SEMA4C: variants seen among roughly 807,000 people sequenced by gnomAD.
SEMA4C encodes the protein semaphorin 4C, also known as semaphorin-4C.
In SEMA4C, 19 loss-of-function variants were observed where a neutral mutation model predicts 89.0. The ratio of observed to expected loss-of-function variants is 0.21; its 90% CI spans 0.15 to 0.31. The LOEUF is 0.31. SEMA4C is among the 10% of genes least tolerant of loss of function. SEMA4C has a pLI of 1.00. For missense variants in SEMA4C, 811 were observed against 1,107.0 expected (o/e 0.73, Z 3.79); for synonymous variants, 428 against 472.7 (o/e 0.91, Z 1.23).
intron 1 of SEMA4C, 60 bp from the exon 2 acceptor site, chr2:96,867,983 C>T (rs975125479): frequency 1.9e-6 from 3 of 1,586,138 alleles, no homozygotes; most frequent in Non-Finnish European, 2.6e-6. Context: ...CAGAGGGGCC[C>T]GCAGCAGGAG....
chr2:96,861,909 G>T lies in SEMA4C; in HGVS notation c.1444-15C>A. 1 of 1,596,080 alleles carries T rather than the reference G, an allele frequency of 6.3e-7. No homozygotes were observed. Among genetic ancestry groups the T allele is most frequent in the East Asian group, 2.3e-5 (1 of 44,058 alleles). ...AAGAGCAGCTTCTGCGAGAAAAGCG[G>T]GGCGCAGGAGGGGGGTCGGCCAGGG... On this transcript the variant is annotated splice_polypyrimidine_tract_variant and intron_variant, in intron 12 of 14. Coordinates refer to ENST00000305476, the MANE Select transcript of SEMA4C (RefSeq NM_017789.5). The surrounding 1 kb of genome is among the most constrained non-coding windows in gnomAD (Gnocchi z 7.8).
At chr2:96,867,017 G>C (rs939539640) in intron 2 of SEMA4C, 8 of 218,854 alleles carry the variant, frequency 3.7e-5, no homozygotes, top group Non-Finnish European at 9.3e-6. Flanking sequence ...GAGGCTCAGA[G>C]AGCGGAGATG....
In SEMA4C at chr2:96,865,226, C is replaced by A. The variant is rs761984955; in HGVS notation, c.612G>T (p.Glu204Asp). ...CACCGTTGAGCCAAAAGGCCAGGTACTCTGTCTTCATGGAGTGGTGGGGCC... is the reference window on the plus strand; with the variant it reads ...CACCGTTGAGCCAAAAGGCCAGGTAATCTGTCTTCATGGAGTGGTGGGGCC... ...NMGPHHSMKTEYLAFWLNEPH... is the reference protein window; with the variant it reads ...NMGPHHSMKTDYLAFWLNEPH... The change falls in exon 7 of 15, where the codon GAG (glutamate) becomes GAT (aspartate). Residue 204 changes from glutamate (E) to aspartate (D), a missense_variant. This residue lies in a region of SEMA4C where 441 missense variants were observed against 664.9 expected (regional missense o/e 0.66). Transcript: ENST00000305476. The A allele has an allele frequency of 6.2e-7, 1 of 1,613,974 alleles. No individual in the cohort carries two copies. The highest frequency in any genetic ancestry group is 1.7e-5 in the Admixed American group (1 of 60,006).
chr2:96,861,094 C>T lies in SEMA4C; in HGVS notation c.2034G>A (p.Val678=). 1.2e-6 allele frequency: 2 copies of T among 1,612,498 alleles called. No individual in the cohort carries two copies. The highest frequency in any genetic ancestry group is 8.5e-7 in the Non-Finnish European group (1 of 1,179,898). The change falls in exon 15 of 15, where the codon GTG becomes GTA. Residue 678 remains valine, a synonymous_variant. Transcript: ENST00000305476. This position sits in a 1 kb window ranked among gnomAD's most constrained non-coding sequence, Gnocchi z 7.8. ...AVVALGAVCL[V]LLLLVLSLRR... Reference sequence around the variant, plus strand: ...GCAATGACAGCACCAGCAGCAGCAGCACCAGGCACACAGCCCCCAGGGCCA... The same window carrying T: ...GCAATGACAGCACCAGCAGCAGCAGTACCAGGCACACAGCCCCCAGGGCCA...
At position 96,860,560 on chromosome 2, in the gene SEMA4C, C is replaced by T. The variant is rs920478237; in HGVS notation, c.*66G>A. 23 of 1,416,962 alleles carry T rather than the reference C, an allele frequency of 1.6e-5. No homozygotes were observed. The highest frequency in any genetic ancestry group is 2.0e-5 in the Non-Finnish European group (21 of 1,032,478). 87.8% of individuals were successfully genotyped at this position (1,416,962 alleles called of 1,614,324 possible). On this transcript the variant is annotated 3_prime_UTR_variant, in exon 15 of 15. Transcript: ENST00000305476. ...TGCCCGTGCCATGTCCCTGAGGTAGCTGGTGCCTGTGCAAAAGTAGGAGCT... is the reference window on the plus strand; with the variant it reads ...TGCCCGTGCCATGTCCCTGAGGTAGTTGGTGCCTGTGCAAAAGTAGGAGCT...
intron 3 of SEMA4C, 68 bp downstream of exon 3, chr2:96,866,215 C>A: frequency 1.3e-6 from 2 of 1,533,526 alleles, no homozygotes; most frequent in Non-Finnish European, 8.8e-7. Context: ...GACCACCTAG[C>A]CAAGCACAGC....
chr2:96,868,702 T>A, intron 1 of SEMA4C: 8 of 982,858 alleles, frequency 8.1e-6, no homozygotes, highest in Non-Finnish European at 9.6e-6. Flanking sequence ...GGGACCGAGC[T>A]CGGGTCGAGT....
rs761694709 is a variant in SEMA4C at position 96,861,501 on chromosome 2, G to A, written c.1673-46C>T. ...GAGTGCATGTTAGTGCAGGAAAGCAGGGCTGGGGAAGAGGAGAACAGAAAC... is the reference window on the plus strand; with the variant it reads ...GAGTGCATGTTAGTGCAGGAAAGCAAGGCTGGGGAAGAGGAGAACAGAAAC... On this transcript the variant is annotated intron_variant, in intron 14 of 14. Transcript: ENST00000305476. The surrounding 1 kb of genome is among the most constrained non-coding windows in gnomAD (Gnocchi z 7.8). The A allele has an allele frequency of 6.2e-7, 1 of 1,609,526 alleles. No homozygotes were observed. The highest frequency in any genetic ancestry group is 8.5e-7 in the Non-Finnish European group (1 of 1,176,284).
chr2:96,867,696 G>A, intron 2 of SEMA4C, 82 bp downstream of exon 2: 1 of 1,355,356 alleles, frequency 7.4e-7, no homozygotes. Context: ...TGCCACACAC[G>A]TGAGAATAAA....
chr2:96,866,996 C>T (rs891001516), intron 2 of SEMA4C: 4 of 223,260 alleles, frequency 1.8e-5, no homozygotes, highest in Admixed American at 5.2e-5. Context: ...CAGGGAGGTC[C>T]GGAGAAACCA....
chr2:96,862,063 G>C lies in SEMA4C; in HGVS notation c.1444-169C>G, dbSNP rs78100611. 2.5e-4 allele frequency: 175 copies of C among 693,044 alleles called. No individual in the cohort carries two copies. The East Asian group carries it at 4.3e-3, about 17-fold the overall frequency. 42.9% of individuals were successfully genotyped at this position (693,044 alleles called of 1,614,324 possible). On this transcript the variant is annotated intron_variant, in intron 12 of 14. Transcript: ENST00000305476. ...AGGCAGAGCTATAGTGCTGAAAAGG[G>C]AACTCTAAGAACCGCAGAACTCAGA...
Position 96,861,359 on chromosome 2 carries a change from A to G in SEMA4C, c.1769T>C (p.Phe590Ser). The change falls in exon 15 of 15, where the codon TTT becomes TCT. Residue 590 changes from phenylalanine (F) to serine (S), a missense_variant. Coordinates refer to ENST00000305476, the MANE Select transcript of SEMA4C (RefSeq NM_017789.5). This position sits in a 1 kb window ranked among gnomAD's most constrained non-coding sequence, Gnocchi z 7.8. The part of the protein sequence containing the change: ...SSNLAHARWT[F>S]GGRDLPAEQP... ...TTCCGCAGGCAGGTCCCGGCCCCCA[A>G]AGGTCCAGCGGGCATGGGCCAAGTT... The G allele has an allele frequency of 6.2e-7, 1 of 1,608,188 alleles. No individual in the cohort carries two copies.
chr2:96,861,285 T>G lies in SEMA4C; in HGVS notation c.1843A>C (p.Met615Leu). The part of the protein sequence containing the change: ...YDARLQALVV[M>L]AAQPRHAGAY... ...CCGGCATGGCGGGGCTGGGCAGCCA[T>G]CACAACCAGGGCCTGGAGCCGGGCA... Residue 615 changes from methionine (M) to leucine (L), a missense_variant, in exon 15 of 15, where the codon ATG (methionine) becomes CTG (leucine). Met to Leu is a conservative substitution (Grantham distance 15). Around this residue, in one of 4 missense-constraint regions of SEMA4C, gnomAD observed 441 missense variants for 664.9 expected, o/e 0.66. Coordinates refer to ENST00000305476, the MANE Select transcript of SEMA4C (RefSeq NM_017789.5). This position sits in a 1 kb window ranked among gnomAD's most constrained non-coding sequence, Gnocchi z 7.8. 1 of 1,608,022 alleles carries G rather than the reference T, an allele frequency of 6.2e-7. No individual in the cohort carries two copies. The highest frequency in any genetic ancestry group is 8.5e-7 in the Non-Finnish European group (1 of 1,179,674).
rs1434352383 is a variant in SEMA4C at position 96,860,118 on chromosome 2, C to T, written c.*508G>A. On this transcript the variant is annotated 3_prime_UTR_variant, in exon 15 of 15. Coordinates refer to ENST00000305476, the MANE Select transcript of SEMA4C (RefSeq NM_017789.5). Reference sequence around the variant, plus strand: ...CTGAAGGGGCACAGCACCCTGTCCACCCCACCTCCATATGTACATCGCTGC... The same window carrying T: ...CTGAAGGGGCACAGCACCCTGTCCATCCCACCTCCATATGTACATCGCTGC... 1 of 154,416 alleles carries T rather than the reference C, an allele frequency of 6.5e-6. No homozygotes were observed. The highest frequency in any genetic ancestry group is 1.4e-5 in the Non-Finnish European group (1 of 69,642). The allele number at this position is 154,416 out of a possible 1,614,324, so 9.6% of individuals were successfully genotyped here.
rs1336071737 is a variant in SEMA4C at position 96,861,315 on chromosome 2, A to C, written c.1813T>G (p.Tyr605Asp). Residue 605 changes from tyrosine (Y) to aspartate (D), a missense_variant, in exon 15 of 15, where the codon TAC becomes GAC. Tyr to Asp is a radical substitution (Grantham distance 160). This residue lies in a region of SEMA4C where 441 missense variants were observed against 664.9 expected (regional missense o/e 0.66). Coordinates refer to ENST00000305476, the MANE Select transcript of SEMA4C (RefSeq NM_017789.5). This position sits in a 1 kb window ranked among gnomAD's most constrained non-coding sequence, Gnocchi z 7.8. ...LPAEQPGSFLYDARLQALVVM... is the reference protein window; with the variant it reads ...LPAEQPGSFLDDARLQALVVM... Reference sequence around the variant, plus strand: ...ACCAGGGCCTGGAGCCGGGCATCGTAGAGGAAGGACCCGGGCTGTTCCGCA... The same window carrying C: ...ACCAGGGCCTGGAGCCGGGCATCGTCGAGGAAGGACCCGGGCTGTTCCGCA... 6.2e-7 allele frequency: 1 copy of C among 1,607,568 alleles called. No homozygotes were observed. The highest frequency in any genetic ancestry group is 2.2e-5 in the East Asian group (1 of 44,882).
At chr2:96,862,033 G>GAAC in intron 12 of SEMA4C, 139 bp from the exon 13 acceptor site, 1 of 899,570 alleles carries the variant, frequency 1.1e-6, no homozygotes, top group East Asian at 2.6e-5. Context: ...AGGAACAAGG[G>GAAC]AACAAGGCAG....
In SEMA4C at chr2:96,867,935, A is replaced by AAAGACATGGTCAGAAATC; in HGVS notation, c.-37-30_-37-13dup. On this transcript the variant is annotated splice_polypyrimidine_tract_variant and intron_variant, in intron 1 of 14. Transcript: ENST00000305476. ...TCAGGCCAGCTGTCCTGCTGAGGGA[A>AAAGACATGGTCAGAAATC]AAGACATGGTCAGAAATCACAGCCA... is the stretch of plus-strand genomic sequence containing the variant. The AAAGACATGGTCAGAAATC allele has an allele frequency of 6.2e-7, 1 of 1,612,658 alleles. No homozygotes were observed.
chr2:96,870,185 C>T, upstream of SEMA4C: 2 of 984,576 alleles, frequency 2.0e-6, no homozygotes, highest in East Asian at 1.1e-4. Flanking sequence ...GGGGCTGCGA[C>T]CCGCAGCGAC....
At chr2:96,863,545 G>A in intron 12 of SEMA4C, 137 bp downstream of exon 12, 5 of 1,245,062 alleles carry the variant, frequency 4.0e-6, no homozygotes, top group Non-Finnish European at 5.6e-6. Context: ...AGTTAGGCAA[G>A]GTGTGCATCC....
Sources: gnomAD v4.1 joint callset for allele counts on GRCh38, gnomAD v4.1.1 for gene constraint, gnomAD v4.1.1 regional missense constraint, Gnocchi (gnomAD v3.1) non-coding constraint, MANE v1.5 for transcripts, NCBI Gene and HGNC (gene_info 2026-07-23, HGNC 2026-07-21) for gene names.